ATOSA: variants seen among roughly 807,000 people sequenced by gnomAD.
ATOSA encodes atos homolog A.
At chr15:52,636,018 A>C in the ATOSA span, among the ~76,000 whole-genome samples, 1 of 147,784 alleles carries the variant, frequency 6.8e-6, no homozygotes, top group Non-Finnish European at 1.5e-5. Context: ...AATAATAAAT[A>C]AATATATAAA....
At chr15:52,647,719 G>C in the ATOSA span, among the ~76,000 whole-genome samples, 2 of 152,078 alleles carry the variant, frequency 1.3e-5, no homozygotes, top group African/African-American at 4.8e-5. Flanking sequence ...GGGAAATCTG[G>C]GGGTGTCAGT....
the ATOSA span, chr15:52,651,749 A>C: frequency 1.0e-6 from 1 of 953,608 alleles, no homozygotes; most frequent in Non-Finnish European, 1.6e-6. Flanking sequence ...AAAGTGAGAT[A>C]ATTTTCCTAG....
At chr15:52,694,318 T>C in the ATOSA span, among the ~76,000 whole-genome samples, 1 of 151,790 alleles carries the variant, frequency 6.6e-6, no homozygotes, top group African/African-American at 2.4e-5. Context: ...AGGCATGCAC[T>C]ACCACATCTG....
the ATOSA span, chr15:52,611,630 T>G: frequency 1.9e-6 from 3 of 1,614,064 alleles, no homozygotes; most frequent in Non-Finnish European, 2.5e-6. Flanking sequence ...TCTTGCTTAA[T>G]CGCAGGATCA....
the ATOSA span, among the ~76,000 whole-genome samples, chr15:52,676,066 G>T: frequency 6.6e-6 from 1 of 151,890 alleles, no homozygotes; most frequent in Non-Finnish European, 1.5e-5. Context: ...ATAAAAATCA[G>T]AATAAAAAAA....
chr15:52,587,003 C>A, the ATOSA span: 6 of 1,486,440 alleles, frequency 4.0e-6, no homozygotes, highest in Non-Finnish European at 5.4e-6. Context: ...ATGGTCATTC[C>A]TGGGGCAGAG....
the ATOSA span, among the ~76,000 whole-genome samples, chr15:52,619,308 C>A: frequency 6.6e-6 from 1 of 152,074 alleles, no homozygotes; most frequent in South Asian, 2.1e-4. Flanking sequence ...TTTATAATGT[C>A]AACCTCTAAA....
the ATOSA span, among the ~76,000 whole-genome samples, chr15:52,693,600 A>C: frequency 9.9e-5 from 15 of 152,204 alleles, no homozygotes; most frequent in Admixed American, 5.2e-4. Context: ...CTTAGAAATA[A>C]ATCTAATTAA....
chr15:52,652,007 C>A, the ATOSA span: 6 of 1,524,888 alleles, frequency 3.9e-6, no homozygotes, highest in Non-Finnish European at 5.3e-6. Flanking sequence ...AACAAATGTT[C>A]AGCGTTGGGT....
the ATOSA span, among the ~76,000 whole-genome samples, chr15:52,644,991 A>G: frequency 6.6e-6 from 1 of 152,266 alleles, no homozygotes; most frequent in South Asian, 2.1e-4. Flanking sequence ...AAAGGCTAGA[A>G]GAGTAGAAAA....
chr15:52,589,011 C>A, the ATOSA span, among the ~76,000 whole-genome samples: 1 of 152,186 alleles, frequency 6.6e-6, no homozygotes, highest in Non-Finnish European at 1.5e-5. Context: ...GGGAAAGCCA[C>A]ATTCTGACAT....
At chr15:52,585,153 T>C in the ATOSA span, 4 of 433,930 alleles carry the variant, frequency 9.2e-6, no homozygotes, top group Non-Finnish European at 1.2e-5. Flanking sequence ...TTTACAATAA[T>C]ATAAGGTCCA....
chr15:52,597,101 CTT>C, the ATOSA span, among the ~76,000 whole-genome samples: 3 of 152,172 alleles, frequency 2.0e-5, no homozygotes, highest in African/African-American at 7.2e-5. Context: ...GGTATAATCA[CTT>C]TGGAAAATAG....
chr15:52,639,437 T>C, the ATOSA span, among the ~76,000 whole-genome samples: 2 of 152,230 alleles, frequency 1.3e-5, no homozygotes, highest in Non-Finnish European at 2.9e-5. Flanking sequence ...CAGGTTTCTA[T>C]ATTTTACAGA....
At chr15:52,591,553 C>G in the ATOSA span, among the ~76,000 whole-genome samples, 2 of 152,152 alleles carry the variant, frequency 1.3e-5, no homozygotes, top group African/African-American at 4.8e-5. Context: ...CTGGCCAGAT[C>G]ACAGTATTTG....
At chr15:52,638,283 CTTAT>C in the ATOSA span, among the ~76,000 whole-genome samples, 14 of 152,260 alleles carry the variant, frequency 9.2e-5, no homozygotes, top group African/African-American at 3.4e-4. Flanking sequence ...CAAATTATTT[CTTAT>C]TTAAGAAACA....
At chr15:52,626,569 G>GTT in the ATOSA span, among the ~76,000 whole-genome samples, 27 of 151,486 alleles carry the variant, frequency 1.8e-4, no homozygotes, top group African/African-American at 6.3e-4. Flanking sequence ...CCAAGAGTTG[G>GTT]TTTTTTTGTG....
the ATOSA span, chr15:52,678,563 G>A: frequency 1.9e-5 from 3 of 156,140 alleles, no homozygotes; most frequent in Non-Finnish European, 4.3e-5. Flanking sequence ...CCGCCCCGCC[G>A]GGCCTCACCT....
At chr15:52,658,853 ATGC>A in the ATOSA span, 2 of 382,390 alleles carry the variant, frequency 5.2e-6, no homozygotes, top group Non-Finnish European at 9.2e-6. Flanking sequence ...GGGCATGGTG[ATGC>A]ACACCTGTAG....
Sources: gnomAD v4.1 joint callset for allele counts (sites outside exome capture counted in the v4.1 genomes callset) on GRCh38, gnomAD v4.1.1 for gene constraint, MANE v1.5 for transcripts, NCBI Gene and HGNC (gene_info 2026-07-23, HGNC 2026-07-21) for gene names.